Variants in DPP8 observed in about 807,000 individuals in gnomAD.
The protein encoded by DPP8 is DPP VIII.
In DPP8, 31 loss-of-function variants were observed where a neutral mutation model predicts 107.5. The observed-to-expected ratio is 0.29, with a 90% CI of 0.22 to 0.39. The LOEUF (loss-of-function observed/expected upper bound fraction) is 0.39. Among genes scored for constraint, DPP8 ranks in the 10% least tolerant of loss-of-function variants. The pLI, the probability that DPP8 is intolerant of heterozygous loss-of-function variation, is 1.00. For missense variants in DPP8, 842 were observed against 1,076.1 expected, an observed-to-expected ratio of 0.78 and a Z score of 3.04; for synonymous variants, 381 against 356.6, an observed-to-expected ratio of 1.07 and a Z score of -0.77.
chr15:65,512,371 A>G lies in DPP8; in HGVS notation c.183T>C (p.Ala61=), dbSNP rs772889669. The part of the protein sequence containing the change: ...DTRKYHGYMM[A]KAPHDFMFVK... ...CAAACATGAAATCATGTGGTGCCTT[A>G]GCCATCATGTAGCCATGATATTTTC... The change falls in exon 2 of 20, where the codon GCT becomes GCC. Residue 61 remains alanine (A), a synonymous_variant. Coordinates refer to ENST00000300141, the MANE Select transcript of DPP8 (RefSeq NM_130434.5). The G allele has an allele frequency of 6.2e-7, 1 of 1,614,148 alleles. No individual in the cohort carries two copies. Among genetic ancestry groups the G allele is most frequent in the Non-Finnish European group, 8.5e-7 (1 of 1,180,034 alleles).
intron 11 of DPP8, among the ~76,000 whole-genome samples, chr15:65,477,171 A>G (rs2066464468): frequency 1.3e-5 from 2 of 152,174 alleles, no homozygotes; most frequent in South Asian, 4.1e-4. Context: ...TTGTAATCCC[A>G]GCATTTTGGG....
At chr15:65,500,455 A>G in intron 4 of DPP8, 151 bp downstream of exon 4, 4 of 629,848 alleles carry the variant, frequency 6.4e-6, no homozygotes, top group Non-Finnish European at 1.1e-5. Flanking sequence ...TTGGAAACCA[A>G]TCTCCATGTT....
chr15:65,490,055 A>G, intron 6 of DPP8, 134 bp downstream of exon 6: 1 of 628,344 alleles, frequency 1.6e-6, no homozygotes, highest in Non-Finnish European at 2.8e-6. Flanking sequence ...GGCATGAATC[A>G]ATCATCATCA....
intron 3 of DPP8, among the ~76,000 whole-genome samples, chr15:65,504,866 C>G (rs1207120451): frequency 6.6e-6 from 1 of 151,812 alleles, no homozygotes; most frequent in East Asian, 1.9e-4. Context: ...GCCTGTAGTC[C>G]CAGCTACTCA....
At chr15:65,480,974 G>A (rs2066875526) in intron 9 of DPP8, among the ~76,000 whole-genome samples, 4 of 152,076 alleles carry the variant, frequency 2.6e-5, no homozygotes, top group Non-Finnish European at 1.5e-5. Context: ...GCATGTCCCC[G>A]TAGTCCCAGC....
At chr15:65,498,109 A>G (rs2068792168) in intron 4 of DPP8, 77 bp from the exon 5 acceptor site, 4 of 1,119,534 alleles carry the variant, frequency 3.6e-6, no homozygotes, top group Non-Finnish European at 4.9e-6. Context: ...TATAAGATGA[A>G]CAATATTTCT....
Position 65,463,839 on chromosome 15 carries a change from A to G in DPP8, c.1893T>C (p.Tyr631=). The G allele has an allele frequency of 6.2e-7, 1 of 1,606,680 alleles. No homozygotes were observed. Among genetic ancestry groups the G allele is most frequent in the Non-Finnish European group, 8.5e-7 (1 of 1,176,708 alleles). The part of the protein sequence containing the change: ...SFESTTGFTL[Y]GMLYKPHDLQ... ...GATCATGAGGCTTGTAGAGCATCCC[A>G]TACAATGTAAATCCAGTAGTACTTT... The change falls in exon 15 of 20, where the codon TAT becomes TAC. Residue 631 remains tyrosine (Y), a synonymous_variant. Coordinates refer to ENST00000300141, the MANE Select transcript of DPP8 (RefSeq NM_130434.5).
chr15:65,465,744 G>A (rs1260759204), intron 14 of DPP8, among the ~76,000 whole-genome samples: 1 of 151,064 alleles, frequency 6.6e-6, no homozygotes, highest in Non-Finnish European at 1.5e-5. Context: ...TTTTAATAGA[G>A]ACAGGGTTTC....
intron 1 of DPP8, among the ~76,000 whole-genome samples, chr15:65,515,335 C>A (rs1240422199): frequency 6.6e-6 from 1 of 152,174 alleles, no homozygotes; most frequent in African/African-American, 2.4e-5. Flanking sequence ...CCTGGACACT[C>A]TATGCATACA....
rs748527051 is a variant in DPP8, at chr15:65,478,966, T to C, written c.1370A>G (p.Lys457Arg). 6.3e-7 allele frequency: 1 copy of C among 1,595,700 alleles called. No homozygotes were observed. The highest frequency in any genetic ancestry group is 8.5e-7 in the Non-Finnish European group (1 of 1,173,124). Residue 457 changes from lysine to arginine, a missense_variant, in exon 11 of 20, where the codon AAA becomes AGA. Physicochemically the swap from Lys to Arg is conservative, Grantham distance 26 (BLOSUM62 2). Transcript: ENST00000300141. ...TTTGTATAAATGACGGAAACCTGTT[T>C]TGCATTCAGAGGCAAAAATAAACTC... ...EIEFIFASEC[K>R]TGFRHLYKIT...
chr15:65,448,865 AATATATATATATATAT>A (rs58549410), intron 19 of DPP8, among the ~76,000 whole-genome samples: 570 of 53,228 alleles, frequency 0.011, 28 homozygotes, highest in African/African-American at 0.013. Context: ...ATATATCTAA[AATATATATATATATAT>A]ATATATATAT....
intron 2 of DPP8, among the ~76,000 whole-genome samples, chr15:65,508,525 A>G (rs1265610982): frequency 6.6e-6 from 1 of 152,188 alleles, no homozygotes; most frequent in East Asian, 1.9e-4. Flanking sequence ...GAACCAAAGA[A>G]AACATAAGGT....
At chr15:65,464,001 C>G in intron 14 of DPP8, 95 bp from the exon 15 acceptor site, 1 of 878,080 alleles carries the variant, frequency 1.1e-6, no homozygotes, top group Non-Finnish European at 1.7e-6. Context: ...GTCAGCCCCG[C>G]CAACACAAAC....
chr15:65,484,901 T>C (rs1312537852), intron 8 of DPP8, among the ~76,000 whole-genome samples, 198 bp downstream of exon 8: 2 of 152,202 alleles, frequency 1.3e-5, no homozygotes, highest in Non-Finnish European at 2.9e-5. Flanking sequence ...GTGGTTAATA[T>C]GCATATCCCC....
In DPP8 at chr15:65,443,920, T is replaced by G. The variant is rs2063393065; in HGVS notation, c.*2964A>C. ...AAATCAATGGAATACAAATTTTTAT[T>G]TATTTATTTATTTTGAGGCAGAATC... On this transcript the variant is annotated 3_prime_UTR_variant, in exon 20 of 20. Transcript: ENST00000300141. 6.6e-6 allele frequency: 1 copy of G among 152,138 alleles called. No individual in the cohort carries two copies. The allele number at this position is 152,138 out of a possible 1,614,324, so 9.4% of individuals were successfully genotyped here. A position where few individuals can be genotyped will look rare whatever the true frequency, so the allele number is the denominator to read the frequency against.
intron 15 of DPP8, among the ~76,000 whole-genome samples, chr15:65,463,451 A>G (rs1249272357): frequency 2.0e-5 from 3 of 152,062 alleles, no homozygotes; most frequent in African/African-American, 4.8e-5. Flanking sequence ...CTGAGGCAGA[A>G]GAATCACTTG....
At chr15:65,509,698 C>A (rs1431250337) in intron 2 of DPP8, among the ~76,000 whole-genome samples, 4 of 152,114 alleles carry the variant, frequency 2.6e-5, no homozygotes, top group Non-Finnish European at 5.9e-5. Context: ...GGAATAAGGG[C>A]TCTCAAAAAT....
chr15:65,474,412 G>C, intron 11 of DPP8, 124 bp from the exon 12 acceptor site: 1 of 672,854 alleles, frequency 1.5e-6, no homozygotes, highest in Non-Finnish European at 2.6e-6. Flanking sequence ...AAAATGTTTT[G>C]GAACTAGACA....
intron 13 of DPP8, 59 bp from the exon 14 acceptor site, chr15:65,466,872 G>A: frequency 3.3e-6 from 5 of 1,536,412 alleles, no homozygotes; most frequent in Non-Finnish European, 4.5e-6. Flanking sequence ...GTTATCTGCT[G>A]TTACATCTGC....
Sources: gnomAD v4.1 joint callset for allele counts (sites outside exome capture counted in the v4.1 genomes callset) on GRCh38, gnomAD v4.1.1 for gene constraint, MANE v1.5 for transcripts, NCBI Gene and HGNC (gene_info 2026-07-23, HGNC 2026-07-21) for gene names.